Variants in NEBL observed in about 807,000 individuals in gnomAD.
NEBL encodes nebulette.
Under a neutral mutation model 140.2 loss-of-function variants are expected in NEBL, and 122 were observed. The observed-to-expected ratio is 0.87, with a 90% CI of 0.75 to 1.01. The LOEUF (loss-of-function observed/expected upper bound fraction) is 1.01. NEBL is among the 50% of genes least tolerant of loss of function. NEBL has a pLI of 0.00. For missense variants in NEBL, 1,365 were observed against 1,231.3 expected (o/e 1.11, Z -1.62); for synonymous variants, 436 against 398.9 (o/e 1.09, Z -1.11).
At chr10:20,929,894 G>T (rs1043740141) in intron 4 of NEBL, among the ~76,000 whole-genome samples, 3 of 152,060 alleles carry the variant, frequency 2.0e-5, no homozygotes, top group Non-Finnish European at 4.4e-5. Flanking sequence ...TAACAAAACT[G>T]CACCTGTACC....
chr10:21,235,570 C>T (rs1842337566), intron 3 of NEBL, among the ~76,000 whole-genome samples: 1 of 152,190 alleles, frequency 6.6e-6, no homozygotes, highest in African/African-American at 2.4e-5. Flanking sequence ...CCACCTCAGC[C>T]TCCCAAAGTG....
chr10:21,222,417 C>A (rs1201033597), intron 3 of NEBL, among the ~76,000 whole-genome samples: 1 of 152,046 alleles, frequency 6.6e-6, no homozygotes, highest in East Asian at 1.9e-4. Context: ...CTTCAAATCT[C>A]ATTTTCTCCT....
chr10:21,094,192 A>T (rs947089110), intron 2 of NEBL, among the ~76,000 whole-genome samples: 3 of 152,130 alleles, frequency 2.0e-5, no homozygotes, highest in African/African-American at 7.2e-5. Context: ...CCCCATCTCT[A>T]CTAGAAATAT....
chr10:20,835,217 A>C (rs1436048693), intron 14 of NEBL, among the ~76,000 whole-genome samples: 1 of 152,202 alleles, frequency 6.6e-6, no homozygotes, highest in African/African-American at 2.4e-5. Context: ...CATAGCCTAG[A>C]TTACCATTAA....
intron 3 of NEBL, among the ~76,000 whole-genome samples, chr10:21,010,171 T>G (rs1348544398): frequency 6.6e-6 from 1 of 152,208 alleles, no homozygotes; most frequent in African/African-American, 2.4e-5. Context: ...TTAGATCAGC[T>G]CCTCTGTATA....
intron 4 of NEBL, among the ~76,000 whole-genome samples, chr10:20,910,966 A>G (rs1848306707): frequency 6.6e-6 from 1 of 151,856 alleles, no homozygotes; most frequent in Non-Finnish European, 1.5e-5. Flanking sequence ...CTAGGAGTTC[A>G]AGAACAGCCT....
chr10:21,146,637 T>C, intron 2 of NEBL: 1 of 650,820 alleles, frequency 1.5e-6, no homozygotes, highest in South Asian at 2.0e-5. Flanking sequence ...TTGAAATAGA[T>C]TTGTTGACTG....
intron 13 of NEBL, 38 bp from the exon 14 acceptor site, chr10:20,835,661 G>C (rs1564367920): frequency 7.1e-7 from 1 of 1,404,218 alleles, no homozygotes; most frequent in Non-Finnish European, 1.0e-6. Flanking sequence ...CAAACACTCA[G>C]TGGGCAAACA....
At chr10:20,931,221 T>A (rs1180090139) in intron 4 of NEBL, among the ~76,000 whole-genome samples, 1 of 152,132 alleles carries the variant, frequency 6.6e-6, no homozygotes, top group Non-Finnish European at 1.5e-5. Context: ...TAATTCTCAA[T>A]CCTTCTAAAC....
rs148601756 is a variant in NEBL at position 20,869,832 on chromosome 10, T to C, written c.490A>G (p.Arg164Gly). The C allele has an allele frequency of 1.9e-6, 3 of 1,609,736 alleles. No individual in the cohort carries two copies. The highest frequency in any genetic ancestry group is 1.1e-5 in the South Asian group (1 of 91,012). ...VNKHQSNISYRKDVQDTHTYS... is the reference protein window; with the variant it reads ...VNKHQSNISYGKDVQDTHTYS... The stretch of plus-strand genomic sequence containing the variant: ...GTGTGGGTGTCCTGCACGTCTTTCC[T>C]ATAAGAAATCTGATCAGAGACAGTT... The change falls in exon 6 of 28, where the codon AGG becomes GGG. Residue 164 changes from arginine to glycine, a missense_variant. By Grantham distance (125) the Arg-to-Gly change is moderately radical. Coordinates refer to ENST00000377122, the MANE Select transcript of NEBL (RefSeq NM_006393.3).
At chr10:20,914,101 G>GCAGA (rs759881106) in intron 4 of NEBL, among the ~76,000 whole-genome samples, 12 of 152,160 alleles carry the variant, frequency 7.9e-5, no homozygotes, top group Non-Finnish European at 1.6e-4. Context: ...CAGACCAAAA[G>GCAGA]CAGACACTGC....
intron 3 of NEBL, among the ~76,000 whole-genome samples, chr10:20,987,118 T>C (rs934579192): frequency 6.6e-6 from 1 of 152,210 alleles, no homozygotes; most frequent in Non-Finnish European, 1.5e-5. Flanking sequence ...TATTATACCA[T>C]GTTGCTATAA....
chr10:20,880,662 G>A, intron 5 of NEBL, 132 bp downstream of exon 5: 1 of 741,802 alleles, frequency 1.3e-6, no homozygotes. Context: ...ATGTACCTCT[G>A]ACTGATAAGA....
intron 7 of NEBL, chr10:20,867,612 A>G (rs542654550): frequency 1.3e-5 from 2 of 152,230 alleles, no homozygotes; most frequent in South Asian, 4.1e-4. Context: ...TATGTAGTAT[A>G]TAGAGTCTCC....
chr10:20,813,982 G>C lies in NEBL; in HGVS notation c.2303C>G (p.Pro768Arg). 3 of 1,611,068 alleles carry C rather than the reference G, an allele frequency of 1.9e-6. No individual in the cohort carries two copies. Among genetic ancestry groups the C allele is most frequent in the Non-Finnish European group, 2.5e-6 (3 of 1,177,350 alleles). Reference protein sequence around the residue: ...KGRPSLILDTPAMRHVKEAQN... With the variant: ...KGRPSLILDTRAMRHVKEAQN... ...TGCTTCTTTAACATGTCTCATAGCA[G>C]GTGTATCTAAAATCAGACTTGGTCT... The change falls in exon 23 of 28, where the codon CCT becomes CGT. Residue 768 changes from proline (P) to arginine (R), a missense_variant. By Grantham distance (103) the Pro-to-Arg change is moderately radical (BLOSUM62 -2). Transcript: ENST00000377122.
At chr10:20,941,753 A>C (rs1282709369) in intron 4 of NEBL, among the ~76,000 whole-genome samples, 6 of 152,120 alleles carry the variant, frequency 3.9e-5, no homozygotes, top group Non-Finnish European at 4.4e-5. Flanking sequence ...CAGGATACAA[A>C]ATCAATGTGC....
chr10:21,132,206 C>T (rs1839144792), intron 2 of NEBL, among the ~76,000 whole-genome samples: 1 of 152,262 alleles, frequency 6.6e-6, no homozygotes, highest in East Asian at 1.9e-4. Flanking sequence ...TTTGCCTGTC[C>T]TGCACATTTC....
At chr10:20,852,673 A>T (rs1842669550) in intron 9 of NEBL, 24 bp from the exon 10 acceptor site, 2 of 1,539,472 alleles carry the variant, frequency 1.3e-6, no homozygotes, top group East Asian at 4.5e-5. Flanking sequence ...TGGGGAAATC[A>T]ACTTAGAATC....
intron 1 of NEBL, among the ~76,000 whole-genome samples, chr10:21,255,206 G>A (rs1842640979): frequency 6.6e-6 from 1 of 152,138 alleles, no homozygotes; most frequent in East Asian, 1.9e-4. Flanking sequence ...TGTAACCCAT[G>A]AGTGGCACAT....
Sources: allele counts gnomAD v4.1 joint callset (sites outside exome capture counted in the v4.1 genomes callset), GRCh38; gene constraint gnomAD v4.1.1; transcripts MANE v1.5; gene names NCBI Gene and HGNC (gene_info 2026-07-23, HGNC 2026-07-21).